Variants in DLG2 observed in about 807,000 individuals in gnomAD.
The protein encoded by DLG2 is disks large homolog 2.
A neutral mutation model predicts 132.5 loss-of-function variants in DLG2; 45 were observed. The observed-to-expected ratio is 0.34, with a 90% CI of 0.27 to 0.44. DLG2 has a LOEUF of 0.44. Among genes scored for constraint, DLG2 ranks in the 20% least tolerant of loss-of-function variants. The pLI is 1.00. For synonymous variants in DLG2, 424 were observed against 419.6 expected (o/e 1.01, Z -0.13); for missense variants, 1,045 against 1,196.9 (o/e 0.87, Z 1.87).
rs529589504 is a variant in DLG2, at chr11:85,119,310, A to G, written c.283-7575T>C. On this transcript the variant is annotated intron_variant, in intron 5 of 27. Transcript: ENST00000376104. ...TATAAATATTTCTAAAAAATATAATATGGTATTTTAGTATTTTATGGAGGC... is the reference window on the plus strand; with the variant it reads ...TATAAATATTTCTAAAAAATATAATGTGGTATTTTAGTATTTTATGGAGGC... 5.9e-5 allele frequency among the ~76,000 whole-genome samples: 9 copies of G among 152,124 alleles called. No homozygotes were observed. The South Asian group carries it at 1.7e-3, about 28-fold the overall frequency.
At chr11:85,019,206 T>C (rs1215751022) in intron 6 of DLG2, among the ~76,000 whole-genome samples, 1 of 152,172 alleles carries the variant, frequency 6.6e-6, no homozygotes, top group African/African-American at 2.4e-5. Flanking sequence ...TTTTTATTGT[T>C]AAGTCATAAA....
chr11:85,126,878 T>C (rs1225787790), intron 5 of DLG2, among the ~76,000 whole-genome samples: 4 of 152,170 alleles, frequency 2.6e-5, no homozygotes, highest in Non-Finnish European at 4.4e-5. Context: ...TACCCTTTCA[T>C]GGATGAGAAA....
At chr11:84,837,561 A>G (rs146006977) in intron 6 of DLG2, among the ~76,000 whole-genome samples, 3 of 151,920 alleles carry the variant, frequency 2.0e-5, no homozygotes, top group African/African-American at 7.2e-5. Context: ...TTGTAATCAG[A>G]GTCAGACACA....
At chr11:84,103,266 T>C (rs1393938398) in intron 9 of DLG2, among the ~76,000 whole-genome samples, 1 of 152,176 alleles carries the variant, frequency 6.6e-6, no homozygotes, top group Non-Finnish European at 1.5e-5. Context: ...AAAAGTGTCA[T>C]TGAAATTGCT....
intron 19 of DLG2, among the ~76,000 whole-genome samples, chr11:83,591,243 T>C (rs1221097033): frequency 2.2e-5 from 3 of 137,922 alleles, no homozygotes; most frequent in Non-Finnish European, 4.7e-5. Flanking sequence ...AAATCCTCAA[T>C]AAAATACTGG....
intron 6 of DLG2, among the ~76,000 whole-genome samples, chr11:84,947,705 C>T (rs565412976): frequency 2.6e-5 from 4 of 152,288 alleles, no homozygotes; most frequent in African/African-American, 9.6e-5. Context: ...TCATTTACTT[C>T]CACAAATATT....
intron 3 of DLG2, among the ~76,000 whole-genome samples, chr11:85,483,367 T>A (rs1238879569): frequency 6.6e-6 from 1 of 152,176 alleles, no homozygotes; most frequent in Admixed American, 6.5e-5. Context: ...AAGAATACTG[T>A]ATCTAGCAAA....
chr11:84,501,666 C>T (rs759040546), intron 7 of DLG2, among the ~76,000 whole-genome samples: 1 of 152,110 alleles, frequency 6.6e-6, no homozygotes, highest in African/African-American at 2.4e-5. Flanking sequence ...GTATATGCAG[C>T]TTACTGTAAA....
intron 4 of DLG2, among the ~76,000 whole-genome samples, chr11:85,206,373 G>T (rs1189079026): frequency 6.6e-6 from 1 of 152,124 alleles, no homozygotes; most frequent in African/African-American, 2.4e-5. Context: ...AGAATTTGAA[G>T]CCAGATAGAC....
At chr11:83,784,797 G>T (rs1217961162) in intron 18 of DLG2, among the ~76,000 whole-genome samples, 1 of 152,176 alleles carries the variant, frequency 6.6e-6, no homozygotes, top group African/African-American at 2.4e-5. Flanking sequence ...ACTATCGAGA[G>T]CTTCTAATTG....
At chr11:83,510,483 AAG>A (rs1375131101) in intron 21 of DLG2, among the ~76,000 whole-genome samples, 1 of 152,166 alleles carries the variant, frequency 6.6e-6, no homozygotes, top group Non-Finnish European at 1.5e-5. Flanking sequence ...CTTCAATGAA[AAG>A]AGGGGGAACT....
intron 3 of DLG2, chr11:85,452,835 TG>T: frequency 6.0e-6 from 1 of 167,612 alleles, no homozygotes. Context: ...AGCAGCTTCA[TG>T]GGATATTTGC....
intron 6 of DLG2, among the ~76,000 whole-genome samples, chr11:84,601,704 T>C (rs2154533531): frequency 6.6e-6 from 1 of 152,226 alleles, no homozygotes; most frequent in East Asian, 1.9e-4. Context: ...TATGCCTACA[T>C]TTTGACAATG....
At chr11:84,714,708 A>C (rs1596355371) in intron 6 of DLG2, among the ~76,000 whole-genome samples, 2 of 124,732 alleles carry the variant, frequency 1.6e-5, no homozygotes, top group African/African-American at 3.1e-5. Context: ...TTCCCTTCCC[A>C]TCTTTCCCTT....
intron 7 of DLG2, among the ~76,000 whole-genome samples, chr11:84,300,172 C>A (rs2098136262): frequency 6.6e-6 from 1 of 152,076 alleles, no homozygotes; most frequent in Admixed American, 6.5e-5. Flanking sequence ...GGATATTTCC[C>A]TTTCCCATCT....
chr11:84,592,569 C>G (rs950979359), intron 6 of DLG2, among the ~76,000 whole-genome samples: 1 of 152,004 alleles, frequency 6.6e-6, no homozygotes, highest in African/African-American at 2.4e-5. Context: ...ATCTATCCAT[C>G]TGACAAAGGG....
At chr11:85,559,857 TAG>T (rs1294680530) in intron 3 of DLG2, among the ~76,000 whole-genome samples, 69 of 144,674 alleles carry the variant, frequency 4.8e-4, no homozygotes, top group African/African-American at 1.9e-3. Flanking sequence ...GATAGATAGA[TAG>T]AGATAAATAT....
chr11:85,424,199 G>T (rs1323108361), intron 3 of DLG2, among the ~76,000 whole-genome samples: 1 of 152,042 alleles, frequency 6.6e-6, no homozygotes, highest in African/African-American at 2.4e-5. Flanking sequence ...TAGCTGGGGG[G>T]TGTGTTCAAG....
At position 83,652,169 on chromosome 11, in the gene DLG2, G is replaced by T. The variant is rs116446182; in HGVS notation, c.1826-18844C>A. ...GGTGTGGAATCTTGGCAGCGCAACT[G>T]GACCCCAGCTTGGAGCCACAAAGCA... On this transcript the variant is annotated intron_variant, in intron 18 of 27. Coordinates refer to ENST00000376104, the MANE Select transcript of DLG2 (RefSeq NM_001142699.3). Among the ~76,000 whole-genome samples the T allele has an allele frequency of 8.8e-3, 1,345 of 152,250 alleles. 15 individuals are homozygous for T. Among genetic ancestry groups the T allele is most frequent in the African/African-American group, 0.031 (1,275 of 41,536 alleles).
Sources: gnomAD v4.1 joint callset for allele counts (sites outside exome capture counted in the v4.1 genomes callset) on GRCh38, gnomAD v4.1.1 for gene constraint, MANE v1.5 for transcripts, NCBI Gene and HGNC (gene_info 2026-07-23, HGNC 2026-07-21) for gene names.